Variants in GSN observed in about 807,000 individuals in gnomAD.
GSN encodes gelsolin.
In GSN, 56 loss-of-function variants were observed where a neutral mutation model predicts 85.7. The observed-to-expected ratio is 0.65, with a 90% CI of 0.53 to 0.82. The LOEUF is 0.82. Among genes scored for constraint, GSN ranks in the 40% least tolerant of loss-of-function variants. The pLI, the probability that GSN is intolerant of heterozygous loss-of-function variation, is 0.00. For synonymous variants in GSN, 373 were observed against 399.1 expected (o/e 0.93, Z 0.78); for missense variants, 857 against 979.8 (o/e 0.87, Z 1.67).
chr9:121,214,315 TCTTC>T (rs1268939744), intron 4 of GSN, among the ~76,000 whole-genome samples: 4 of 151,986 alleles, frequency 2.6e-5, no homozygotes, highest in Non-Finnish European at 5.9e-5. Flanking sequence ...TTCTTCCTCT[TCTTC>T]CTTTTCTTCT....
At position 121,317,096 on chromosome 9, in the gene GSN, G is replaced by A. The variant is rs777753023; in HGVS notation, c.764G>A (p.Gly255Asp). The A allele has an allele frequency of 1.9e-6, 3 of 1,614,204 alleles. No homozygotes were observed. The highest frequency in any genetic ancestry group is 2.5e-6 in the Non-Finnish European group (3 of 1,180,026). ...GCTTCGTCCCCTCAGGTCTCCAATGGTGCAGGGACCATGTCCGTCTCCCTC... is the reference window on the plus strand; with the variant it reads ...GCTTCGTCCCCTCAGGTCTCCAATGATGCAGGGACCATGTCCGTCTCCCTC... Reference protein sequence around the residue: ...KLAKLYKVSNGAGTMSVSLVA... With the variant: ...KLAKLYKVSNDAGTMSVSLVA... Residue 255 changes from glycine (G) to aspartate (D), a missense_variant, in exon 8 of 18, where the codon GGT (glycine) becomes GAT (aspartate). Gly to Asp is a moderately conservative substitution (Grantham distance 94, BLOSUM62 -1). Coordinates refer to ENST00000432226, the MANE Select transcript of GSN (RefSeq NM_198252.3).
intron 2 of GSN, among the ~76,000 whole-genome samples, chr9:121,296,826 G>A (rs1486227319): frequency 6.6e-6 from 1 of 152,224 alleles, no homozygotes; most frequent in Non-Finnish European, 1.5e-5. Context: ...TCTGTAGTGA[G>A]GGCTCCCAGA....
chr9:121,331,917 G>A (rs1051315763), intron 17 of GSN: 5 of 195,536 alleles, frequency 2.6e-5, no homozygotes, highest in South Asian at 9.9e-5. Flanking sequence ...TTAGCCAGGC[G>A]TGTTGGTGTA....
At chr9:121,217,887 G>T (rs746105763) in intron 4 of GSN, among the ~76,000 whole-genome samples, 3 of 149,912 alleles carry the variant, frequency 2.0e-5, no homozygotes, top group Non-Finnish European at 4.4e-5. Flanking sequence ...CTACCCAACC[G>T]TTAATACTGC....
At chr9:121,215,470 G>A (rs1296049273) in intron 4 of GSN, among the ~76,000 whole-genome samples, 1 of 152,058 alleles carries the variant, frequency 6.6e-6, no homozygotes, top group Admixed American at 6.6e-5. Flanking sequence ...GAGGTGGGTG[G>A]ATCACCTGAG....
intron 4 of GSN, among the ~76,000 whole-genome samples, chr9:121,228,424 A>ATAT (rs1315548268): frequency 2.1e-5 from 1 of 48,120 alleles, no homozygotes; most frequent in Admixed American, 3.3e-4. Flanking sequence ...ATATATATAT[A>ATAT]TTTTTTTTTT....
At chr9:121,264,208 C>G (rs1428382764), upstream of GSN, among the ~76,000 whole-genome samples, 3 of 152,150 alleles carry the variant, frequency 2.0e-5, no homozygotes, top group East Asian at 1.9e-4. Flanking sequence ...AATCCCAGCA[C>G]TTTCAAAGGC....
At chr9:121,263,460 G>T (rs772579351), upstream of GSN, among the ~76,000 whole-genome samples, 1 of 152,192 alleles carries the variant, frequency 6.6e-6, no homozygotes, top group Non-Finnish European at 1.5e-5. Context: ...AAGGAAAGAG[G>T]TTTAATTGAC....
chr9:121,314,113 T>A, intron 7 of GSN, 90 bp downstream of exon 7: 1 of 1,017,028 alleles, frequency 9.8e-7, no homozygotes, highest in Non-Finnish European at 1.6e-6. Flanking sequence ...CTATGGGACC[T>A]TGAGCAAAGC....
At chr9:121,250,366 A>G (rs1312332549) in intron 6 of GSN, among the ~76,000 whole-genome samples, 1 of 151,980 alleles carries the variant, frequency 6.6e-6, no homozygotes, top group Non-Finnish European at 1.5e-5. Flanking sequence ...CACTACACCC[A>G]GCTAATTTTT....
At position 121,329,241 on chromosome 9, in the gene GSN, G is replaced by A. The variant is rs749844499; in HGVS notation, c.1891G>A (p.Glu631Lys). 3.1e-6 allele frequency: 5 copies of A among 1,609,306 alleles called. No homozygotes were observed. Among genetic ancestry groups the A allele is most frequent in the African/African-American group, 2.7e-5 (2 of 74,812 alleles). Residue 631 changes from glutamate to lysine, a missense_variant, in exon 16 of 18, where the codon GAA becomes AAA. Physicochemically the swap from Glu to Lys is moderately conservative, Grantham distance 56. Coordinates refer to ENST00000432226, the MANE Select transcript of GSN (RefSeq NM_198252.3). This position sits in a 1 kb window ranked among gnomAD's most constrained non-coding sequence, Gnocchi z 4.6. ...CSNKIGRFVI[E>K]EVPGELMQED... ...ATGCTCTTTCGTTCCTTCCCAGATCGAAGAGGTTCCTGGTGAGCTCATGCA... is the reference window on the plus strand; with the variant it reads ...ATGCTCTTTCGTTCCTTCCCAGATCAAAGAGGTTCCTGGTGAGCTCATGCA...
intron 2 of GSN, among the ~76,000 whole-genome samples, chr9:121,291,180 A>G (rs2058648930): frequency 6.6e-6 from 1 of 152,260 alleles, no homozygotes; most frequent in Admixed American, 6.5e-5. Flanking sequence ...CAACTACAGT[A>G]TAACAACTAT....
chr9:121,300,912 G>T (rs940493290), intron 2 of GSN, among the ~76,000 whole-genome samples: 1 of 152,164 alleles, frequency 6.6e-6, no homozygotes, highest in African/African-American at 2.4e-5. Context: ...GCTCAGGTGG[G>T]CTCACCTCGA....
At chr9:121,282,005 G>T (rs1264620080) in intron 2 of GSN, 1 of 474,044 alleles carries the variant, frequency 2.1e-6, no homozygotes, top group Non-Finnish European at 4.4e-6. Flanking sequence ...TTGACCAGAG[G>T]AGGAGCACCT....
At chr9:121,252,511 C>G (rs1352265211) in intron 6 of GSN, among the ~76,000 whole-genome samples, 1 of 152,216 alleles carries the variant, frequency 6.6e-6, no homozygotes, top group East Asian at 1.9e-4. Context: ...ATTTCCTAGT[C>G]TTTTGGCAGT....
intron 2 of GSN, chr9:121,285,443 C>A (rs2057953358): frequency 6.0e-6 from 1 of 167,190 alleles, no homozygotes; most frequent in African/African-American, 2.4e-5. Flanking sequence ...GAAGCCTGGA[C>A]TGGGTTTTAT....
chr9:121,242,440 G>C (rs1219317548), intron 5 of GSN, among the ~76,000 whole-genome samples: 2 of 152,004 alleles, frequency 1.3e-5, no homozygotes, highest in African/African-American at 2.4e-5. Flanking sequence ...GGCTGGGCCT[G>C]CTGTCCTCTG....
chr9:121,268,024 C>G (rs995733417), upstream of GSN: 2 of 152,100 alleles, frequency 1.3e-5, no homozygotes, highest in African/African-American at 2.4e-5. Context: ...AGCTTGGAGC[C>G]ACCCGCCCAG....
intron 4 of GSN, among the ~76,000 whole-genome samples, chr9:121,218,100 A>G (rs1313768668): frequency 6.6e-6 from 1 of 152,152 alleles, no homozygotes; most frequent in African/African-American, 2.4e-5. Context: ...GCATGTTCAG[A>G]ACATTTGTTG....
Sources: gnomAD v4.1 joint callset for allele counts (sites outside exome capture counted in the v4.1 genomes callset) on GRCh38, gnomAD v4.1.1 for gene constraint, Gnocchi (gnomAD v3.1) non-coding constraint, MANE v1.5 for transcripts, NCBI Gene and HGNC (gene_info 2026-07-23, HGNC 2026-07-21) for gene names.